ANKHD1: variants seen among roughly 807,000 people sequenced by gnomAD.
ANKHD1 encodes ankyrin repeat and KH domain-containing protein 1.
In ANKHD1, 31 loss-of-function variants were observed where a neutral mutation model predicts 230.5. The ratio of observed to expected loss-of-function variants is 0.13; its 90% CI spans 0.10 to 0.18. The LOEUF is 0.18. Among genes scored for constraint, ANKHD1 ranks in the 10% least tolerant of loss-of-function variants. The pLI is 1.00. For synonymous variants in ANKHD1, 1,074 were observed against 1,117.6 expected, an observed-to-expected ratio of 0.96 and a Z score of 0.78; for missense variants, 2,256 against 3,071.3, an observed-to-expected ratio of 0.73 and a Z score of 6.27.
intron 5 of ANKHD1, among the ~76,000 whole-genome samples, chr5:140,444,874 G>T (rs1774152954): frequency 6.6e-6 from 1 of 151,948 alleles, no homozygotes; most frequent in Non-Finnish European, 1.5e-5. Flanking sequence ...TGCTTTTCTG[G>T]CCTTTTTATA....
rs150123005 is a variant in ANKHD1 at position 140,445,920 on chromosome 5, C to A, written c.1092C>A (p.Ile364=). The change falls in exon 6 of 34, where the codon ATC becomes ATA. Residue 364 remains isoleucine, a synonymous_variant. Coordinates refer to ENST00000360839, the MANE Select transcript of ANKHD1 (RefSeq NM_017747.3). ...ARVLLDHGAG[I]NTHSNEFKES... is the part of the protein sequence containing the mutation. ...TTCTTTTAGATCATGGTGCAGGCAT[C>A]AACACTCATTCTAATGAATTCAAAG... 8.1e-6 allele frequency: 13 copies of A among 1,611,360 alleles called. No homozygotes were observed. In the African/African-American group the frequency reaches 1.3e-4, roughly 17 times the overall value.
chr5:140,484,892 G>T, intron 11 of ANKHD1: 1 of 516,672 alleles, frequency 1.9e-6, no homozygotes. Context: ...GACTGAAAGG[G>T]AGCACAAGAT....
chr5:140,437,892 T>C (rs1444965614), intron 2 of ANKHD1, among the ~76,000 whole-genome samples: 1 of 152,222 alleles, frequency 6.6e-6, no homozygotes, highest in Non-Finnish European at 1.5e-5. Context: ...TCATGTTATA[T>C]CATTAGTAGA....
chr5:140,538,262 G>A lies in ANKHD1; in HGVS notation c.7404+1G>A, dbSNP rs1754163883. 1 of 1,613,374 alleles carries A rather than the reference G, an allele frequency of 6.2e-7. No homozygotes were observed. Among genetic ancestry groups the A allele is most frequent in the South Asian group, 1.1e-5 (1 of 90,962 alleles). ...AAGTGGTTTTGTGGATTTTTCTAAA[G>A]TGAGTTGACAAACATCACTGTAACT... On this transcript the variant is annotated splice_donor_variant, in intron 32 of 33. Coordinates refer to ENST00000360839, the MANE Select transcript of ANKHD1 (RefSeq NM_017747.3). LOFTEE classifies it high-confidence loss of function.
chr5:140,496,682 C>T lies in ANKHD1; in HGVS notation c.2408C>T (p.Ser803Leu). 2 of 1,613,760 alleles carry T rather than the reference C, an allele frequency of 1.2e-6. No homozygotes were observed. Among genetic ancestry groups the T allele is most frequent in the Non-Finnish European group, 1.7e-6 (2 of 1,179,964 alleles). The change falls in exon 15 of 34, where the codon TCA becomes TTA. Residue 803 changes from serine to leucine, a missense_variant. This residue lies in a region of ANKHD1 where 358 missense variants were observed against 397.7 expected (regional missense o/e 0.90). Coordinates refer to ENST00000360839, the MANE Select transcript of ANKHD1 (RefSeq NM_017747.3). ...ISAIEKAQLK[S>L]LELIQGEPLN... The stretch of plus-strand genomic sequence containing the variant: ...GCTATTGAAAAAGCACAGCTTAAGT[C>T]ACTGGAGTTAATTCAAGGTGAACCT...
In ANKHD1 at chr5:140,537,537, C is replaced by T. The variant is rs199773382; in HGVS notation, c.7176C>T (p.Val2392=). Residue 2392 remains valine, a synonymous_variant, in exon 31 of 34, where the codon GTC becomes GTT. Transcript: ENST00000360839. ...AAGCCCCGGCGGGGACCAGTTTTGT[C>T]GCTCCCGTTGGACACAGTGGAATCT... The part of the protein sequence containing the change: ...VAQAPAGTSF[V]APVGHSGIWS... 5.0e-6 allele frequency: 8 copies of T among 1,611,406 alleles called. No homozygotes were observed. Among genetic ancestry groups the T allele is most frequent in the African/African-American group, 2.7e-5 (2 of 74,846 alleles).
chr5:140,432,344 T>TTTTG (rs1218765487), intron 1 of ANKHD1, among the ~76,000 whole-genome samples: 1 of 152,230 alleles, frequency 6.6e-6, no homozygotes, highest in Admixed American at 6.5e-5. Context: ...TAATGGGACC[T>TTTTG]TTTGTGTCTC....
chr5:140,486,774 G>A lies in ANKHD1; in HGVS notation c.2143-184G>A, dbSNP rs969861707. The stretch of plus-strand genomic sequence containing the variant: ...ATCATTGACTATTTGTAGATTCCCC[G>A]ACTGTCTAATCATTAGTCTCAAAAA... On this transcript the variant is annotated intron_variant, in intron 13 of 33. Transcript: ENST00000360839. 2.5e-5 allele frequency: 11 copies of A among 444,452 alleles called. No individual in the cohort carries two copies. The Admixed American group carries it at 3.7e-4, about 15-fold the overall frequency. The allele number at this position is 444,452 out of a possible 1,614,324, so 27.5% of individuals were successfully genotyped here. A position where few individuals can be genotyped will look rare whatever the true frequency, so the allele number is the denominator to read the frequency against.
intron 1 of ANKHD1, among the ~76,000 whole-genome samples, chr5:140,417,783 A>C (rs962630475): frequency 6.6e-6 from 1 of 150,716 alleles, no homozygotes; most frequent in Non-Finnish European, 1.5e-5. Context: ...TATAATTTCA[A>C]ACTTACTGGA....
chr5:140,479,899 T>C (rs1465654322), intron 10 of ANKHD1, among the ~76,000 whole-genome samples: 2 of 147,838 alleles, frequency 1.4e-5, no homozygotes, highest in African/African-American at 5.0e-5. Context: ...ATAATGGGAA[T>C]CAATGTACTC....
intron 1 of ANKHD1, among the ~76,000 whole-genome samples, chr5:140,415,727 C>T (rs1055193851): frequency 1.1e-4 from 17 of 151,470 alleles, no homozygotes; most frequent in Admixed American, 6.6e-4. Context: ...CCTCAGCCAC[C>T]GCACCCAGCC....
chr5:140,443,072 A>G (rs1462553809), intron 5 of ANKHD1, among the ~76,000 whole-genome samples: 1 of 151,458 alleles, frequency 6.6e-6, no homozygotes, highest in Non-Finnish European at 1.5e-5. Flanking sequence ...CGCCTGGCTA[A>G]TTTTTTGTAT....
At chr5:140,498,291 GCTAT>G (rs1752124073) in intron 15 of ANKHD1, 7 of 152,094 alleles carry the variant, frequency 4.6e-5, no homozygotes, top group Non-Finnish European at 7.4e-5. Context: ...TCCCAATTAT[GCTAT>G]CTCAGTTTCC....
At position 140,500,665 on chromosome 5, in the gene ANKHD1, A is replaced by AAAAAAAAAG. The variant is rs748025095; in HGVS notation, c.3004+3391_3004+3392insAAAAGAAAA. On this transcript the variant is annotated intron_variant, in intron 15 of 33. Coordinates refer to ENST00000360839, the MANE Select transcript of ANKHD1 (RefSeq NM_017747.3). ...CTCTGTCTCAAAAAAAAAAAAAAAA[A>AAAAAAAAAG]AAAAGAAAAGAAAAACTGAAGCTTA... 2.5e-4 allele frequency among the ~76,000 whole-genome samples: 29 copies of AAAAAAAAAG among 115,496 alleles called. 1 individual carries two copies. Among genetic ancestry groups the AAAAAAAAAG allele is most frequent in the South Asian group, 1.2e-3 (4 of 3,384 alleles). 75.8% of individuals were successfully genotyped at this position (115,496 alleles called of 152,430 possible).
At chr5:140,470,895 G>T (rs1371916669) in intron 10 of ANKHD1, among the ~76,000 whole-genome samples, 1 of 152,002 alleles carries the variant, frequency 6.6e-6, no homozygotes, top group African/African-American at 2.4e-5. Context: ...CCAAGTTACT[G>T]GGATTACAAG....
In ANKHD1 at chr5:140,537,497, G is replaced by A; in HGVS notation, c.7136G>A (p.Gly2379Glu). The A allele has an allele frequency of 6.2e-7, 1 of 1,614,098 alleles. No individual in the cohort carries two copies. The highest frequency in any genetic ancestry group is 2.2e-5 in the East Asian group (1 of 44,878). ...GTERLARIRQGGSVAQAPAGT... is the reference protein window; with the variant it reads ...GTERLARIRQEGSVAQAPAGT... The stretch of plus-strand genomic sequence containing the variant: ...GAGAGACTGGCCCGAATTCGGCAAG[G>A]AGGGTCTGTTGCACAAGCCCCGGCG... The change falls in exon 31 of 34, where the codon GGA becomes GAA. Residue 2379 changes from glycine to glutamate, a missense_variant. Physicochemically the swap from Gly to Glu is moderately conservative, Grantham distance 98 (BLOSUM62 -2). Around this residue, in one of 13 missense-constraint regions of ANKHD1, gnomAD observed 778 missense variants for 966.5 expected, o/e 0.80. Coordinates refer to ENST00000360839, the MANE Select transcript of ANKHD1 (RefSeq NM_017747.3).
At chr5:140,450,166 C>T (rs139678794) in intron 7 of ANKHD1, among the ~76,000 whole-genome samples, 6 of 152,174 alleles carry the variant, frequency 3.9e-5, no homozygotes, top group Admixed American at 6.5e-5. Flanking sequence ...GAAGTGCAAA[C>T]GCATTTTTTC....
intron 1 of ANKHD1, among the ~76,000 whole-genome samples, chr5:140,403,079 C>T (rs1419523042): frequency 7.4e-5 from 11 of 147,860 alleles, no homozygotes; most frequent in African/African-American, 2.7e-4. Context: ...AAGCGATTCT[C>T]CTGCCTCAGC....
chr5:140,466,917 A>G (rs1776134693), intron 10 of ANKHD1, among the ~76,000 whole-genome samples: 1 of 152,056 alleles, frequency 6.6e-6, no homozygotes, highest in African/African-American at 2.4e-5. Context: ...CTGGGCAACA[A>G]GAGTGAAACT....
Sources: allele counts gnomAD v4.1 joint callset (sites outside exome capture counted in the v4.1 genomes callset), GRCh38; gene constraint gnomAD v4.1.1; regional missense constraint gnomAD v4.1.1; transcripts MANE v1.5; gene names NCBI Gene and HGNC (gene_info 2026-07-23, HGNC 2026-07-21).